NEXMIF: variants seen among roughly 807,000 people sequenced by gnomAD.
NEXMIF encodes the protein neurite extension and migration factor.
NEXMIF carries 8 observed loss-of-function variants against 62.1 expected under a neutral mutation model. That is an observed-to-expected ratio of 0.13 (90% CI 0.08 to 0.23). The LOEUF (loss-of-function observed/expected upper bound fraction) is 0.23, where lower values mean the gene tolerates loss of function less well. Ranked by LOEUF, NEXMIF falls within the 10% of genes least tolerant of loss-of-function variation. The pLI is 1.00. For synonymous variants in NEXMIF, 404 were observed against 416.6 expected (o/e 0.97, Z 0.37); for missense variants, 976 against 1,113.3 (o/e 0.88, Z 1.75).
chrX:74,778,766 T>A (rs1352775315), intron 1 of NEXMIF, among the ~76,000 whole-genome samples: 1 of 111,717 alleles, frequency 9.0e-6, no homozygotes, highest in Non-Finnish European at 1.9e-5. Context: ...TTCTCCTGCC[T>A]CAACCTCCAG....
intron 1 of NEXMIF, among the ~76,000 whole-genome samples, chrX:74,796,193 T>C (rs1289461588): frequency 2.9e-5 from 2 of 69,552 alleles, no homozygotes; most frequent in Non-Finnish European, 5.1e-5. Flanking sequence ...ATATATATTA[T>C]ATATATACAT....
Position 74,740,526 on chromosome X carries a change from G to C in NEXMIF, c.4031C>G (p.Pro1344Arg). 8.3e-7 allele frequency: 1 copy of C among 1,211,387 alleles called. No homozygotes were observed. The highest frequency in any genetic ancestry group is 1.8e-5 in the South Asian group (1 of 56,970). ...MMASIEPLWEPMEHHGDPNIF... is the reference protein window; with the variant it reads ...MMASIEPLWERMEHHGDPNIF... ...GTTGGGATCCCCATGGTGCTCCATG[G>C]GTTCCCAAAGGGGCTCTATGGAGGC... is the stretch of plus-strand genomic sequence containing the variant. Residue 1344 changes from proline to arginine, a missense_variant, in exon 3 of 4, where the codon CCC becomes CGC. Pro to Arg is a moderately radical substitution (Grantham distance 103). Coordinates refer to ENST00000055682, the MANE Select transcript of NEXMIF (RefSeq NM_001008537.3).
rs372418657 is a variant in NEXMIF, at chrX:74,871,532, G to A, written c.-48+53351C>T. ...GGAATTTCCCAATCCTAGTAAGCCT[G>A]AGGGCACTGCAGGAGACCAGGGCGT... is the stretch of plus-strand genomic sequence containing the variant. On this transcript the variant is annotated intron_variant, in intron 1 of 3. Coordinates refer to ENST00000055682, the MANE Select transcript of NEXMIF (RefSeq NM_001008537.3). 9.9e-5 allele frequency among the ~76,000 whole-genome samples: 11 copies of A among 111,236 alleles called. No individual in the cohort carries two copies. In the East Asian group the frequency reaches 2.0e-3, roughly 20 times the overall value.
At chrX:74,761,426 A>G (rs2080175583) in intron 1 of NEXMIF, among the ~76,000 whole-genome samples, 1 of 111,200 alleles carries the variant, frequency 9.0e-6, no homozygotes, top group African/African-American at 3.3e-5. Flanking sequence ...TCAGAAAATA[A>G]ATTCCTCCCT....
intron 1 of NEXMIF, among the ~76,000 whole-genome samples, chrX:74,881,392 G>GCGCACACA (rs1556037975): frequency 1.1e-5 from 1 of 88,576 alleles, no homozygotes; most frequent in African/African-American, 4.3e-5. Context: ...ACATACACAT[G>GCGCACACA]CACACACACA....
chrX:74,748,133 T>C (rs1215724830), intron 1 of NEXMIF, among the ~76,000 whole-genome samples: 2 of 111,732 alleles, frequency 1.8e-5, no homozygotes, highest in Non-Finnish European at 3.8e-5. Context: ...AAAGAAGAGG[T>C]AGAGTGGGGA....
chrX:74,879,727 C>A (rs2080655296), intron 1 of NEXMIF, among the ~76,000 whole-genome samples: 1 of 111,967 alleles, frequency 8.9e-6, no homozygotes, highest in South Asian at 3.7e-4. Flanking sequence ...ATTCACTTTT[C>A]AGAATGTTTT....
At chrX:74,745,928 A>G (rs1343903026) in intron 1 of NEXMIF, among the ~76,000 whole-genome samples, 1 of 111,194 alleles carries the variant, frequency 9.0e-6, no homozygotes, top group Non-Finnish European at 1.9e-5. Flanking sequence ...CTGTGCCACA[A>G]TATTATTCAA....
chrX:74,922,886 G>A (rs1286566453), intron 1 of NEXMIF, among the ~76,000 whole-genome samples: 1 of 111,347 alleles, frequency 9.0e-6, no homozygotes, highest in Non-Finnish European at 1.9e-5. Flanking sequence ...TGTCTGGGGG[G>A]GCCAGTTGGG....
chrX:74,835,992 C>A (rs2080455172), intron 1 of NEXMIF, among the ~76,000 whole-genome samples: 1 of 112,671 alleles, frequency 8.9e-6, no homozygotes, highest in Admixed American at 9.3e-5. Context: ...AAAACCATGA[C>A]ATGCAGTCTT....
intron 1 of NEXMIF, among the ~76,000 whole-genome samples, chrX:74,864,572 T>C (rs1432423861): frequency 8.9e-6 from 1 of 112,261 alleles, no homozygotes; most frequent in Admixed American, 9.4e-5. Context: ...ACTACACATG[T>C]GCTCTTGCCT....
intron 1 of NEXMIF, among the ~76,000 whole-genome samples, chrX:74,873,921 A>T (rs1335859292): frequency 1.3e-4 from 14 of 109,799 alleles, no homozygotes; most frequent in Non-Finnish European, 2.5e-4. Context: ...GGTTGCAAAA[A>T]TTTTCTCCCA....
intron 1 of NEXMIF, among the ~76,000 whole-genome samples, chrX:74,821,906 C>A (rs921006944): frequency 9.0e-6 from 1 of 111,208 alleles, no homozygotes; most frequent in African/African-American, 3.3e-5. Context: ...TGCACCACCA[C>A]GCTCGGCTAA....
chrX:74,779,273 C>G (rs1166585869), intron 1 of NEXMIF, among the ~76,000 whole-genome samples: 1 of 110,647 alleles, frequency 9.0e-6, no homozygotes, highest in Non-Finnish European at 1.9e-5. Flanking sequence ...TCTTATTGTT[C>G]TCTTTTCTTT....
At chrX:74,887,119 C>G (rs765329734) in intron 1 of NEXMIF, among the ~76,000 whole-genome samples, 2 of 112,410 alleles carry the variant, frequency 1.8e-5, no homozygotes, top group Non-Finnish European at 3.8e-5. Context: ...GAAACTGGAT[C>G]CCTTCCTTAC....
chrX:74,890,635 C>A (rs1469438430), intron 1 of NEXMIF, among the ~76,000 whole-genome samples: 1 of 111,750 alleles, frequency 8.9e-6, no homozygotes, highest in African/African-American at 3.3e-5. Flanking sequence ...GAACCCGCAG[C>A]CACATGGGAC....
At chrX:74,822,303 C>A (rs2080399796) in intron 1 of NEXMIF, among the ~76,000 whole-genome samples, 1 of 111,927 alleles carries the variant, frequency 8.9e-6, no homozygotes, top group African/African-American at 3.3e-5. Flanking sequence ...GATATGACAA[C>A]AAAAGCACAA....
chrX:74,747,865 C>T (rs906335101), intron 1 of NEXMIF, among the ~76,000 whole-genome samples: 13 of 112,211 alleles, frequency 1.2e-4, no homozygotes, highest in African/African-American at 4.2e-4. Context: ...ATCCAACTGC[C>T]TCAGCCTCCT....
chrX:74,782,955 G>C (rs1168904132), intron 1 of NEXMIF, among the ~76,000 whole-genome samples: 1 of 111,520 alleles, frequency 9.0e-6, no homozygotes, highest in Non-Finnish European at 1.9e-5. Flanking sequence ...GCATTTGTTT[G>C]TTTTCTATTC....
Sources: allele counts gnomAD v4.1 joint callset (sites outside exome capture counted in the v4.1 genomes callset), GRCh38; gene constraint gnomAD v4.1.1; transcripts MANE v1.5; gene names NCBI Gene and HGNC (gene_info 2026-07-23, HGNC 2026-07-21).